The following GPR89B variants were observed in gnomAD, a reference collection of about 807,000 sequenced individuals.
GPR89B encodes golgi pH regulator B.
Under a neutral mutation model 52.4 loss-of-function variants are expected in GPR89B, and 25 were observed. That is an observed-to-expected ratio of 0.48 (90% CI 0.35 to 0.67). The LOEUF (loss-of-function observed/expected upper bound fraction) is 0.67, where lower values mean the gene tolerates loss of function less well. Among genes scored for constraint, GPR89B ranks in the 30% least tolerant of loss-of-function variants. The pLI is 0.01. For missense variants in GPR89B, 146 were observed against 450.2 expected, an observed-to-expected ratio of 0.32 and a Z score of 6.11; for synonymous variants, 52 against 151.2, an observed-to-expected ratio of 0.34 and a Z score of 4.81.
At chr1:147,995,302 T>C (rs1471439836), downstream of GPR89B, among the ~76,000 whole-genome samples, 1 of 150,428 alleles carries the variant, frequency 6.6e-6, no homozygotes, top group Non-Finnish European at 1.5e-5. Flanking sequence ...CATATCTAGA[T>C]CATCCGATTC....
chr1:148,013,022 A>ATACTGATGATTCAGATGATGT, the GPR89B span, among the ~76,000 whole-genome samples: 1 of 152,136 alleles, frequency 6.6e-6, no homozygotes, highest in Non-Finnish European at 1.5e-5. Context: ...AAAATAGACA[A>ATACTGATGATTCAGATGATGT]TACTGATGAT....
At chr1:148,006,996 T>C in the GPR89B span, among the ~76,000 whole-genome samples, 2 of 151,960 alleles carry the variant, frequency 1.3e-5, no homozygotes, top group East Asian at 3.9e-4. Flanking sequence ...GGATTACAGA[T>C]ATGAGCCACT....
chr1:147,964,171 G>A (rs1422561608), intron 7 of GPR89B, among the ~76,000 whole-genome samples: 12 of 151,194 alleles, frequency 7.9e-5, no homozygotes, highest in African/African-American at 2.7e-4. Flanking sequence ...GGAAATCTGG[G>A]TAAAGGGTAC....
chr1:147,995,053 T>C (rs1659282251), downstream of GPR89B, among the ~76,000 whole-genome samples: 1 of 152,208 alleles, frequency 6.6e-6, no homozygotes, highest in Non-Finnish European at 1.5e-5. Flanking sequence ...GCTTAATCTT[T>C]CCTAGTAATA....
At chr1:148,025,751 A>T in the GPR89B span, 1 of 140,834 alleles carries the variant, frequency 7.1e-6, no homozygotes, top group Non-Finnish European at 1.5e-5. Flanking sequence ...AAGGGCATCA[A>T]AGAATCTCTC....
At chr1:147,988,680 T>C (rs1291816057) in intron 12 of GPR89B, among the ~76,000 whole-genome samples, 159 bp downstream of exon 12, 2 of 142,836 alleles carry the variant, frequency 1.4e-5, no homozygotes, top group African/African-American at 2.6e-5. Context: ...CTAGCCAACA[T>C]GGTGAAACCC....
chr1:147,989,622 C>T (rs1486045695), intron 12 of GPR89B, among the ~76,000 whole-genome samples: 1 of 152,032 alleles, frequency 6.6e-6, no homozygotes, highest in Non-Finnish European at 1.5e-5. Context: ...TGATGTTCCC[C>T]TTCCTGTGTC....
chr1:148,002,649 T>A, the GPR89B span, among the ~76,000 whole-genome samples: 1 of 152,142 alleles, frequency 6.6e-6, no homozygotes, highest in African/African-American at 2.4e-5. Flanking sequence ...TTTGTTCTTC[T>A]CCCTTATACT....
At chr1:147,931,072 A>C (rs1653557248) in intron 1 of GPR89B, among the ~76,000 whole-genome samples, 2 of 151,910 alleles carry the variant, frequency 1.3e-5, no homozygotes, top group African/African-American at 4.8e-5. Context: ...TCCTCCATAG[A>C]TTATAAACTC....
At chr1:147,990,819 G>C (rs1422974898) in intron 12 of GPR89B, among the ~76,000 whole-genome samples, 1 of 150,996 alleles carries the variant, frequency 6.6e-6, no homozygotes, top group Non-Finnish European at 1.5e-5. Flanking sequence ...TCTCTGTTTT[G>C]GTACCAGTAC....
chr1:148,025,097 T>C, the GPR89B span, among the ~76,000 whole-genome samples: 2 of 152,052 alleles, frequency 1.3e-5, no homozygotes, highest in South Asian at 4.1e-4. Flanking sequence ...AAAGTCATTC[T>C]CCTGATAAAG....
chr1:148,018,146 C>T, the GPR89B span, among the ~76,000 whole-genome samples: 9 of 145,360 alleles, frequency 6.2e-5, no homozygotes, highest in South Asian at 4.6e-4. Context: ...AGGCCGGGCG[C>T]GGTGGGTCAT....
chr1:147,950,045 G>A (rs1279359090), intron 5 of GPR89B, among the ~76,000 whole-genome samples: 2 of 145,896 alleles, frequency 1.4e-5, no homozygotes, highest in Admixed American at 6.7e-5. Context: ...CCTCCCTCCC[G>A]GACGGGGCGG....
downstream of GPR89B, chr1:147,996,626 T>A (rs1659322377): frequency 1.2e-6 from 2 of 1,611,754 alleles, no homozygotes; most frequent in Non-Finnish European, 1.7e-6. Flanking sequence ...ATGATCTTCT[T>A]CCTCTGTAGT....
chr1:148,025,464 G>A, the GPR89B span, among the ~76,000 whole-genome samples: 33 of 146,430 alleles, frequency 2.3e-4, no homozygotes, highest in Admixed American at 4.1e-4. Context: ...CAGAGGTTGC[G>A]GTGAGCCTAG....
At chr1:147,940,509 TA>T (rs1654472461) in intron 3 of GPR89B, among the ~76,000 whole-genome samples, 1 of 152,090 alleles carries the variant, frequency 6.6e-6, no homozygotes, top group Admixed American at 6.5e-5. Flanking sequence ...TAATGGTTAT[TA>T]AATTTTATTA....
At chr1:148,003,435 TGTTA>T in the GPR89B span, among the ~76,000 whole-genome samples, 1 of 152,112 alleles carries the variant, frequency 6.6e-6, no homozygotes, top group Non-Finnish European at 1.5e-5. Context: ...AGTGACATCG[TGTTA>T]GTAAGTTGAA....
chr1:148,009,266 C>T, the GPR89B span: 6 of 1,476,032 alleles, frequency 4.1e-6, no homozygotes, highest in East Asian at 2.3e-5. Flanking sequence ...AAGTCATTAA[C>T]CAGTAGCATC....
At chr1:147,984,940 C>T (rs1475221720) in intron 10 of GPR89B, among the ~76,000 whole-genome samples, 61 of 152,058 alleles carry the variant, frequency 4.0e-4, no homozygotes, top group African/African-American at 1.5e-3. Flanking sequence ...AATGTCTTAC[C>T]TGTATGTGAG....
Sources: gnomAD v4.1 joint callset for allele counts (sites outside exome capture counted in the v4.1 genomes callset) on GRCh38, gnomAD v4.1.1 for gene constraint, MANE v1.5 for transcripts, NCBI Gene and HGNC (gene_info 2026-07-23, HGNC 2026-07-21) for gene names.